Variants in AADAC observed in about 807,000 individuals in gnomAD.
AADAC encodes the protein arylacetamide deacetylase, also known as arylacetamide deacetylase (esterase).
AADAC carries 17 observed loss-of-function variants against 22.7 expected under a neutral mutation model. The observed-to-expected ratio is 0.75, with a 90% CI of 0.51 to 1.12. The LOEUF is 1.12. AADAC is among the 50% of genes most tolerant of loss of function. AADAC has a pLI of 0.00. For missense variants in AADAC, 465 were observed against 473.9 expected, an observed-to-expected ratio of 0.98 and a Z score of 0.17; for synonymous variants, 167 against 176.3, an observed-to-expected ratio of 0.95 and a Z score of 0.42.
At chr3:151,822,460 A>G (rs1285346443) in intron 3 of AADAC, among the ~76,000 whole-genome samples, 15 of 152,064 alleles carry the variant, frequency 9.9e-5, no homozygotes, top group Non-Finnish European at 1.6e-4. Flanking sequence ...GAATATTTGA[A>G]ATTCAATTGA....
Position 151,820,401 on chromosome 3 carries a change from T to C in AADAC, c.380T>C (p.Leu127Ser). Residue 127 changes from leucine to serine, a missense_variant, in exon 3 of 5, where the codon TTG becomes TCG. Physicochemically the swap from Leu to Ser is moderately radical, Grantham distance 145 (BLOSUM62 -2). Coordinates refer to ENST00000232892, the MANE Select transcript of AADAC (RefSeq NM_001086.3). ...ATTTCAGCTCTAAGTGGTTATGACT[T>C]GCTGTCAAGATGGACAGCAGACAGA... ...VGSAALSGYD[L>S]LSRWTADRLD... The C allele has an allele frequency of 6.3e-7, 1 of 1,586,484 alleles. No individual in the cohort carries two copies. The highest frequency in any genetic ancestry group is 8.6e-7 in the Non-Finnish European group (1 of 1,164,066).
At chr3:151,824,570 A>G (rs1269470237) in intron 3 of AADAC, 93 bp from the exon 4 acceptor site, 1 of 1,046,132 alleles carries the variant, frequency 9.6e-7, no homozygotes, top group African/African-American at 1.7e-5. Flanking sequence ...TGCAAAAGTT[A>G]TTGCGGTTTT....
intron 2 of AADAC, among the ~76,000 whole-genome samples, chr3:151,818,537 T>C (rs1716098445): frequency 6.6e-6 from 1 of 151,916 alleles, no homozygotes; most frequent in Non-Finnish European, 1.5e-5. Context: ...AAAAGGAAAG[T>C]GACATTCAGA....
At chr3:151,816,792 G>T (rs1716005763) in intron 1 of AADAC, among the ~76,000 whole-genome samples, 1 of 151,956 alleles carries the variant, frequency 6.6e-6, no homozygotes, top group Admixed American at 6.6e-5. Context: ...GTTACAGAAA[G>T]AATGGTGGCT....
In AADAC at chr3:151,814,135, C is replaced by G; in HGVS notation, c.-28C>G. 1.2e-6 allele frequency: 2 copies of G among 1,612,546 alleles called. No homozygotes were observed. Among genetic ancestry groups the G allele is most frequent in the Non-Finnish European group, 1.7e-6 (2 of 1,178,822 alleles). Reference sequence around the variant, plus strand: ...TCATGTAGGTTTACTTTCTGTGTTTCTAGAGACCAAGAAGCGGGACGTTCA... The same window carrying G: ...TCATGTAGGTTTACTTTCTGTGTTTGTAGAGACCAAGAAGCGGGACGTTCA... On this transcript the variant is annotated 5_prime_UTR_variant, in exon 1 of 5. Coordinates refer to ENST00000232892, the MANE Select transcript of AADAC (RefSeq NM_001086.3).
chr3:151,825,499 A>T (rs1716451914), intron 4 of AADAC, among the ~76,000 whole-genome samples: 1 of 151,938 alleles, frequency 6.6e-6, no homozygotes, highest in Non-Finnish European at 1.5e-5. Context: ...GCTATTAGAG[A>T]TTCAGACGAA....
In AADAC at chr3:151,827,905, T is replaced by C. The variant is rs1227564915; in HGVS notation, c.933T>C (p.Tyr311=). 1.2e-6 allele frequency: 2 copies of C among 1,611,880 alleles called. No homozygotes were observed. Among genetic ancestry groups the C allele is most frequent in the East Asian group, 4.5e-5 (2 of 44,874 alleles). ...NYGSSELAKK[Y]PGFLDVRAAP... ...GCAGTTCTGAGCTGGCTAAAAAATA[T>C]CCAGGGTTCCTAGATGTGAGGGCAG... The change falls in exon 5 of 5, where the codon TAT becomes TAC. Residue 311 remains tyrosine (Y), a synonymous_variant. Coordinates refer to ENST00000232892, the MANE Select transcript of AADAC (RefSeq NM_001086.3).
In AADAC at chr3:151,828,252, A is replaced by T. The variant is rs1240501898; in HGVS notation, c.*80A>T. On this transcript the variant is annotated 3_prime_UTR_variant, in exon 5 of 5. Transcript: ENST00000232892. ...TTTGCATTAGAAATTGGTCTTTCTT[A>T]GAATGGTCTAGTTAAGTTCCACATG... The T allele has an allele frequency of 6.4e-6, 6 of 943,726 alleles. No individual in the cohort carries two copies. In the East Asian group the frequency reaches 1.7e-4, roughly 26 times the overall value. The allele number at this position is 943,726 out of a possible 1,614,324, so 58.5% of individuals were successfully genotyped here. A position where few individuals can be genotyped will look rare whatever the true frequency, so the allele number is the denominator to read the frequency against.
chr3:151,821,442 G>C (rs1265032009), intron 3 of AADAC, among the ~76,000 whole-genome samples: 1 of 151,876 alleles, frequency 6.6e-6, no homozygotes, highest in African/African-American at 2.4e-5. Context: ...TGCCAGAGCA[G>C]TATATATTTA....
intron 2 of AADAC, 108 bp from the exon 3 acceptor site, chr3:151,820,275 T>C: frequency 3.1e-6 from 2 of 638,212 alleles, no homozygotes; most frequent in East Asian, 3.0e-5. Context: ...TAAGGTAAAA[T>C]AGAACTGCCA....
chr3:151,820,280 C>A (rs1716183784), intron 2 of AADAC, 103 bp from the exon 3 acceptor site: 1 of 671,526 alleles, frequency 1.5e-6, no homozygotes, highest in South Asian at 2.9e-5. Flanking sequence ...TAAAATAGAA[C>A]TGCCAGAACG....
chr3:151,815,655 C>G (rs919925842), intron 1 of AADAC, among the ~76,000 whole-genome samples: 2 of 151,472 alleles, frequency 1.3e-5, no homozygotes, highest in Non-Finnish European at 2.9e-5. Flanking sequence ...TCTCTGGTAG[C>G]CTTTTAATTA....
intron 3 of AADAC, among the ~76,000 whole-genome samples, 173 bp from the exon 4 acceptor site, chr3:151,824,490 A>G (rs915194726): frequency 2.6e-5 from 4 of 151,978 alleles, no homozygotes; most frequent in Non-Finnish European, 5.9e-5. Flanking sequence ...TGCTGGTTAT[A>G]TGGCTGTGTT....
intron 3 of AADAC, among the ~76,000 whole-genome samples, chr3:151,823,623 T>C (rs1282658843): frequency 6.6e-6 from 1 of 152,030 alleles, no homozygotes; most frequent in Admixed American, 6.6e-5. Flanking sequence ...TACCAAGTGT[T>C]GGTAAGGTTT....
Position 151,820,310 on chromosome 3 carries a change from T to A in AADAC, c.362-73T>A. ...AGAACGTGAAAGAAGTGCAGCAGGA[T>A]TTTTGTGAAGGAAACAGCCTTGTCT... On this transcript the variant is annotated intron_variant, in intron 2 of 4. Transcript: ENST00000232892. 5 of 1,108,420 alleles carry A rather than the reference T, an allele frequency of 4.5e-6. 1 individual carries two copies. The South Asian group carries it at 8.5e-5, about 19-fold the overall frequency. The allele number at this position is 1,108,420 out of a possible 1,614,324, so 68.7% of individuals were successfully genotyped here. A position where few individuals can be genotyped will look rare whatever the true frequency, so the allele number is the denominator to read the frequency against.
intron 2 of AADAC, among the ~76,000 whole-genome samples, chr3:151,819,010 A>G (rs1024979427): frequency 2.0e-5 from 3 of 152,038 alleles, no homozygotes. Context: ...AACTCTAGAG[A>G]GGAAGAATAA....
intron 2 of AADAC, 92 bp downstream of exon 2, chr3:151,817,680 A>G: frequency 2.8e-6 from 3 of 1,086,048 alleles, no homozygotes; most frequent in Non-Finnish European, 4.1e-6. Context: ...TTCGGCATGG[A>G]CATTACTGCC....
chr3:151,815,429 GT>G (rs1178004222), intron 1 of AADAC, among the ~76,000 whole-genome samples: 2 of 152,032 alleles, frequency 1.3e-5, no homozygotes. Flanking sequence ...GTTTGGAGAG[GT>G]TAGAAGCCAT....
At chr3:151,820,610 C>A (rs113165947) in intron 3 of AADAC, among the ~76,000 whole-genome samples, 158 bp downstream of exon 3, 2,234 of 142,762 alleles carry the variant, frequency 0.016, 25 homozygotes, top group Non-Finnish European at 0.025. Context: ...CTCCTCCTCC[C>A]GGGTTCAAGT....
Sources: allele counts gnomAD v4.1 joint callset (sites outside exome capture counted in the v4.1 genomes callset), GRCh38; gene constraint gnomAD v4.1.1; transcripts MANE v1.5; gene names NCBI Gene and HGNC (gene_info 2026-07-23, HGNC 2026-07-21).